CUX1: variants seen among roughly 807,000 people sequenced by gnomAD.
The protein encoded by CUX1 is cut like homeobox 1, also known as protein CASP.
Under a neutral mutation model 158.8 loss-of-function variants are expected in CUX1, and 31 were observed. That is an observed-to-expected ratio of 0.20 (90% CI 0.15 to 0.26). The LOEUF (loss-of-function observed/expected upper bound fraction) is 0.26. Ranked by LOEUF, CUX1 falls within the 10% of genes least tolerant of loss-of-function variation. The probability of loss-of-function intolerance (pLI) is 1.00; values close to 1 mark genes in which losing one functional copy is unlikely to be tolerated. For synonymous variants in CUX1, 879 were observed against 862.1 expected (o/e 1.02, Z -0.34); for missense variants, 1,589 against 2,014.6 (o/e 0.79, Z 4.04).
chr7:102,108,787 C>T lies in CUX1; in HGVS notation c.531-2911C>T, dbSNP rs6465849. Among the ~76,000 whole-genome samples the T allele has an allele frequency of 3.2e-3, 418 of 130,648 alleles. 2 individuals carry two copies. Among genetic ancestry groups the T allele is most frequent in the African/African-American group, 0.013 (405 of 30,772 alleles). The allele number at this position is 130,648 out of a possible 152,430, so 85.7% of individuals were successfully genotyped here. A position where few individuals can be genotyped will look rare whatever the true frequency, so the allele number is the denominator to read the frequency against. The stretch of plus-strand genomic sequence containing the variant: ...GTGTGTGTGTTTTGAGACAAAGTCT[C>T]TCTGTCACCTAGGCTGCAGTGCAGT... On this transcript the variant is annotated intron_variant, in intron 6 of 23. Coordinates refer to ENST00000292535, the MANE Select transcript of CUX1 (RefSeq NM_181552.4).
At chr7:101,879,094 A>G (rs1799451603) in intron 1 of CUX1, among the ~76,000 whole-genome samples, 1 of 152,210 alleles carries the variant, frequency 6.6e-6, no homozygotes, top group Non-Finnish European at 1.5e-5. Context: ...AACTCAAACC[A>G]ATATGCCTAA....
rs565712429 is a variant in CUX1 at position 102,249,636 on chromosome 7, A to C, written c.*594A>C. 3.6e-4 allele frequency: 354 copies of C among 985,462 alleles called. 2 individuals carry two copies. In the African/African-American group the frequency reaches 5.5e-3, roughly 15 times the overall value. 61.0% of individuals were successfully genotyped at this position (985,462 alleles called of 1,614,324 possible). The stretch of plus-strand genomic sequence containing the variant: ...TTTATCTGCCATCTAATGGCTTCAG[A>C]GCGATAATACACTATTATCTTCTTA... On this transcript the variant is annotated 3_prime_UTR_variant, in exon 24 of 24. Coordinates refer to ENST00000292535, the MANE Select transcript of CUX1 (RefSeq NM_181552.4).
At chr7:102,271,238 T>C (rs1322501160) in intron 14 of CUX1, among the ~76,000 whole-genome samples, 1 of 152,202 alleles carries the variant, frequency 6.6e-6, no homozygotes, top group Non-Finnish European at 1.5e-5. Flanking sequence ...CTGAGCCTTG[T>C]TGGAGCTTAA....
At chr7:102,100,070 A>G (rs534735074) in intron 5 of CUX1, among the ~76,000 whole-genome samples, 118 of 152,256 alleles carry the variant, frequency 7.8e-4, no homozygotes, top group African/African-American at 2.7e-3. Flanking sequence ...ACTTGAGGTC[A>G]TGAGTTCGAG....
chr7:101,898,331 T>A (rs1396967197), intron 1 of CUX1, among the ~76,000 whole-genome samples: 1 of 152,150 alleles, frequency 6.6e-6, no homozygotes, highest in Non-Finnish European at 1.5e-5. Context: ...TCATTTTTAT[T>A]CCAGAAGTCA....
chr7:102,197,064 G>T lies in CUX1; in HGVS notation c.1653G>T (p.Met551Ile), dbSNP rs148059700. The change falls in exon 15 of 24, where the codon ATG becomes ATT. Residue 551 changes from methionine (M) to isoleucine (I), a missense_variant. Transcript: ENST00000292535. ...GGAGCGTCTCCGAGGGCGAGGAGAT[G>T]GACACTGCAGAAATCGCCCGGCAGG... ...SAGSVSEGEE[M>I]DTAEIARQVK... 1 of 1,614,220 alleles carries T rather than the reference G, an allele frequency of 6.2e-7. No individual in the cohort carries two copies. Among genetic ancestry groups the T allele is most frequent in the East Asian group, 2.2e-5 (1 of 44,886 alleles).
In CUX1 at chr7:102,101,675, C is replaced by T. The variant is rs139462988; in HGVS notation, c.407-2661C>T. Among the ~76,000 whole-genome samples, 569 of 152,122 alleles carry T rather than the reference C, an allele frequency of 3.7e-3. 2 individuals carry two copies. Among genetic ancestry groups the T allele is most frequent in the African/African-American group, 0.013 (539 of 41,512 alleles). On this transcript the variant is annotated intron_variant, in intron 5 of 23. Transcript: ENST00000292535. ...CTGTAATCCCAGCACTTTAGGAGGC[C>T]GAGGTGAGCAGATCATTTGAGGTCA... is the stretch of plus-strand genomic sequence containing the variant.
At chr7:102,245,742 C>T (rs1398457796) in intron 23 of CUX1, among the ~76,000 whole-genome samples, 1 of 152,174 alleles carries the variant, frequency 6.6e-6, no homozygotes, top group Admixed American at 6.5e-5. Context: ...GAGGCCAAGG[C>T]AGGTGGATCA....
intron 1 of CUX1, among the ~76,000 whole-genome samples, chr7:101,871,623 G>A (rs1798558686): frequency 1.3e-5 from 2 of 152,190 alleles, no homozygotes; most frequent in Non-Finnish European, 2.9e-5. Context: ...GTGCATGGGT[G>A]GTGCTGGCCC....
intron 2 of CUX1, among the ~76,000 whole-genome samples, chr7:101,982,067 G>C (rs1813516499): frequency 6.6e-6 from 1 of 152,248 alleles, no homozygotes; most frequent in Admixed American, 6.5e-5. Context: ...GGTTGTCCAA[G>C]TCGATCTTGG....
intron 2 of CUX1, among the ~76,000 whole-genome samples, chr7:101,989,847 C>T (rs975355978): frequency 1.3e-5 from 2 of 152,198 alleles, no homozygotes; most frequent in African/African-American, 4.8e-5. Context: ...CAAGGTGGGC[C>T]TGGAGCAGGA....
Position 102,248,307 on chromosome 7 carries a change from T to A in CUX1, c.3888-105T>A. 1 of 1,113,194 alleles carries A rather than the reference T, an allele frequency of 9.0e-7. No homozygotes were observed. The allele number at this position is 1,113,194 out of a possible 1,614,324, so 69.0% of individuals were successfully genotyped here. A position where few individuals can be genotyped will look rare whatever the true frequency, so the allele number is the denominator to read the frequency against. On this transcript the variant is annotated intron_variant, in intron 23 of 23. Coordinates refer to ENST00000292535, the MANE Select transcript of CUX1 (RefSeq NM_181552.4). The surrounding 1 kb of genome is among the most constrained non-coding windows in gnomAD (Gnocchi z 5.8). ...GAGGGGCACGGAGGGGCCTCCAGGC[T>A]GGACGGAGCAGGAGCCCCAGAGAGA...
intron 5 of CUX1, among the ~76,000 whole-genome samples, chr7:102,103,394 CCT>C (rs1443392855): frequency 6.6e-6 from 1 of 151,468 alleles, no homozygotes; most frequent in East Asian, 1.9e-4. Context: ...TTTCTGTCTC[CCT>C]CTCTTTCTTT....
chr7:102,127,716 G>T lies in CUX1; in HGVS notation c.674+12443G>T, dbSNP rs1371032716. Among the ~76,000 whole-genome samples, 2 of 152,178 alleles carry T rather than the reference G, an allele frequency of 1.3e-5. 1 individual carries two copies. Among genetic ancestry groups the T allele is most frequent in the Admixed American group, 1.3e-4 (2 of 15,268 alleles). ...TACCACTTATTTCCCTGCTGTTCAG[G>T]AGCCTGATTTATTACACTGCTTTCA... On this transcript the variant is annotated intron_variant, in intron 8 of 23. Coordinates refer to ENST00000292535, the MANE Select transcript of CUX1 (RefSeq NM_181552.4).
At chr7:102,132,398 T>C (rs1203598262) in intron 8 of CUX1, among the ~76,000 whole-genome samples, 1 of 152,024 alleles carries the variant, frequency 6.6e-6, no homozygotes, top group Non-Finnish European at 1.5e-5. Flanking sequence ...CCTCTATATT[T>C]TCAGTTTCTT....
intron 4 of CUX1, among the ~76,000 whole-genome samples, chr7:102,089,280 A>T (rs797043029): frequency 1.1e-4 from 16 of 152,194 alleles, no homozygotes; most frequent in African/African-American, 3.6e-4. Flanking sequence ...TTCTTCCATT[A>T]TCTCTTGTCA....
intron 2 of CUX1, among the ~76,000 whole-genome samples, chr7:102,011,288 C>T (rs575420167): frequency 2.6e-4 from 39 of 151,984 alleles, no homozygotes; most frequent in African/African-American, 7.5e-4. Flanking sequence ...AGTGGGCGTT[C>T]GGAGGACACG....
chr7:102,201,552 C>G lies in CUX1; in HGVS notation c.2255C>G (p.Pro752Arg). 1 of 1,614,194 alleles carries G rather than the reference C, an allele frequency of 6.2e-7. No individual in the cohort carries two copies. The highest frequency in any genetic ancestry group is 8.5e-7 in the Non-Finnish European group (1 of 1,180,028). Residue 752 changes from proline (P) to arginine (R), a missense_variant, in exon 18 of 24, where the codon CCC (proline) becomes CGC (arginine). Pro to Arg is a moderately radical substitution (Grantham distance 103). This residue lies in a region of CUX1 where 337 missense variants were observed against 409.3 expected (regional missense o/e 0.82). Coordinates refer to ENST00000292535, the MANE Select transcript of CUX1 (RefSeq NM_181552.4). This position sits in a 1 kb window ranked among gnomAD's most constrained non-coding sequence, Gnocchi z 5.0. ...TPKLLSTSPMPTVSSYPPLAI... is the reference protein window; with the variant it reads ...TPKLLSTSPMRTVSSYPPLAI... Reference sequence around the variant, plus strand: ...AAGCTTCTGTCCACCTCGCCCATGCCCACCGTGTCCAGCTACCCACCTCTC... The same window carrying G: ...AAGCTTCTGTCCACCTCGCCCATGCGCACCGTGTCCAGCTACCCACCTCTC...
At chr7:102,066,427 A>G (rs1004607174) in intron 3 of CUX1, among the ~76,000 whole-genome samples, 1 of 152,170 alleles carries the variant, frequency 6.6e-6, no homozygotes, top group Non-Finnish European at 1.5e-5. Context: ...TTCAAGAGAC[A>G]CAATTCAACC....
Sources: allele counts gnomAD v4.1 joint callset (sites outside exome capture counted in the v4.1 genomes callset), GRCh38; gene constraint gnomAD v4.1.1; regional missense constraint gnomAD v4.1.1; non-coding constraint Gnocchi (gnomAD v3.1); transcripts MANE v1.5; gene names NCBI Gene and HGNC (gene_info 2026-07-23, HGNC 2026-07-21).